Variants in PLPPR1 observed in about 807,000 individuals in gnomAD.
The protein encoded by PLPPR1 is phospholipid phosphatase-related protein type 1.
PLPPR1 carries 10 observed loss-of-function variants against 33.1 expected under a neutral mutation model. The ratio of observed to expected loss-of-function variants is 0.30; its 90% confidence interval spans 0.19 to 0.51. The LOEUF (loss-of-function observed/expected upper bound fraction) is 0.51. Among genes scored for constraint, PLPPR1 ranks in the 20% least tolerant of loss-of-function variants. The pLI is 0.97. For missense variants in PLPPR1, 304 were observed against 408.1 expected, an observed-to-expected ratio of 0.74 and a Z score of 2.20; for synonymous variants, 151 against 151.0, an observed-to-expected ratio of 1.00 and a Z score of 0.00.
At chr9:101,191,657 G>A (rs79210265) in intron 2 of PLPPR1, among the ~76,000 whole-genome samples, 3,511 of 152,174 alleles carry the variant, frequency 0.023, 145 homozygotes, top group African/African-American at 0.079. Flanking sequence ...CTAATACCAG[G>A]CATATTTTCC....
At chr9:101,307,040 A>C (rs774399339) in intron 4 of PLPPR1, among the ~76,000 whole-genome samples, 4 of 152,222 alleles carry the variant, frequency 2.6e-5, no homozygotes, top group Non-Finnish European at 5.9e-5. Context: ...TGGGCTTCCC[A>C]GGCTGATGCG....
At chr9:101,074,338 T>G (rs1422223197) in intron 1 of PLPPR1, among the ~76,000 whole-genome samples, 2 of 152,116 alleles carry the variant, frequency 1.3e-5, no homozygotes, top group Non-Finnish European at 2.9e-5. Flanking sequence ...TTGGCTCTCA[T>G]AAATCATTTA....
intron 1 of PLPPR1, among the ~76,000 whole-genome samples, chr9:101,069,934 T>A (rs1157581273): frequency 1.3e-5 from 2 of 152,114 alleles, no homozygotes; most frequent in East Asian, 3.9e-4. Flanking sequence ...TTTCTCATGA[T>A]TAACAGGGCT....
intron 2 of PLPPR1, among the ~76,000 whole-genome samples, chr9:101,209,436 C>T (rs549612211): frequency 6.6e-6 from 1 of 152,330 alleles, no homozygotes; most frequent in South Asian, 2.1e-4. Flanking sequence ...AACACCTTTG[C>T]TCCTTATCTA....
Position 101,096,797 on chromosome 9 carries a change from G to C in PLPPR1, c.-46+67695G>C, listed in dbSNP as rs1830824546. On this transcript the variant is annotated intron_variant, in intron 1 of 7. Transcript: ENST00000374874. The stretch of plus-strand genomic sequence containing the variant: ...TTAGAAAAGCTGGCCAGGCACAGTG[G>C]TTCACACCTGTAATCCCAGCACCTT... 2.0e-5 allele frequency among the ~76,000 whole-genome samples: 3 copies of C among 152,136 alleles called. No individual in the cohort carries two copies. In the South Asian group the frequency reaches 6.2e-4, roughly 32 times the overall value.
intron 3 of PLPPR1, among the ~76,000 whole-genome samples, chr9:101,273,209 A>G (rs568624761): frequency 6.6e-6 from 1 of 152,312 alleles, no homozygotes; most frequent in African/African-American, 2.4e-5. Flanking sequence ...GAAAAAGATA[A>G]TATGTATCAA....
Position 101,259,127 on chromosome 9 carries a change from C to G in PLPPR1, c.64-10753C>G, listed in dbSNP as rs190255430. Among the ~76,000 whole-genome samples, 72 of 152,168 alleles carry G rather than the reference C, an allele frequency of 4.7e-4. No individual in the cohort carries two copies. The South Asian group carries it at 0.015, about 31-fold the overall frequency. On this transcript the variant is annotated intron_variant, in intron 2 of 7. Transcript: ENST00000374874. ...TTTCTCCATATCATCCACCTATAAA[C>G]AACCACTGAGACACTGGAGGAAGGA...
intron 2 of PLPPR1, among the ~76,000 whole-genome samples, chr9:101,191,461 ACT>A (rs1412891353): frequency 4.0e-5 from 6 of 151,230 alleles, no homozygotes; most frequent in East Asian, 1.9e-4. Flanking sequence ...CACTTCTGTT[ACT>A]CTTTCTCTCT....
chr9:101,255,217 A>C lies in PLPPR1; in HGVS notation c.64-14663A>C, dbSNP rs186043290. ...TATAGGGGATGATGAAAGAGAAGGGAGTTTGATTTGTTGTGCAGTTTGTCA... is the reference window on the plus strand; with the variant it reads ...TATAGGGGATGATGAAAGAGAAGGGCGTTTGATTTGTTGTGCAGTTTGTCA... On this transcript the variant is annotated intron_variant, in intron 2 of 7. Coordinates refer to ENST00000374874, the MANE Select transcript of PLPPR1 (RefSeq NM_207299.2). Among the ~76,000 whole-genome samples the C allele has an allele frequency of 3.1e-3, 473 of 152,196 alleles. 10 individuals carry two copies. The highest frequency in any genetic ancestry group is 0.026 in the Admixed American group (398 of 15,246).
At chr9:101,262,124 AC>A (rs769052372) in intron 2 of PLPPR1, among the ~76,000 whole-genome samples, 5 of 152,222 alleles carry the variant, frequency 3.3e-5, no homozygotes, top group Non-Finnish European at 7.3e-5. Flanking sequence ...TGAAAGATAC[AC>A]AGTCTATCTA....
intron 1 of PLPPR1, among the ~76,000 whole-genome samples, chr9:101,075,263 C>G (rs968096726): frequency 6.6e-6 from 1 of 152,132 alleles, no homozygotes; most frequent in African/African-American, 2.4e-5. Context: ...AGCCTCACAT[C>G]AAAATAAATT....
chr9:101,199,914 C>G (rs1181190537), intron 2 of PLPPR1, among the ~76,000 whole-genome samples: 1 of 152,092 alleles, frequency 6.6e-6, no homozygotes, highest in Non-Finnish European at 1.5e-5. Context: ...TATAAGTTTT[C>G]AGGTCATTCC....
intron 2 of PLPPR1, among the ~76,000 whole-genome samples, chr9:101,246,342 G>A (rs1009559579): frequency 6.6e-6 from 1 of 151,808 alleles, no homozygotes; most frequent in Non-Finnish European, 1.5e-5. Flanking sequence ...AGAGGACAGG[G>A]ACAGACTGTG....
intron 4 of PLPPR1, among the ~76,000 whole-genome samples, chr9:101,291,758 C>A (rs1196444007): frequency 6.6e-6 from 1 of 152,150 alleles, no homozygotes; most frequent in Non-Finnish European, 1.5e-5. Context: ...AACTAACAAA[C>A]AGAAAGGACA....
chr9:101,192,592 G>A (rs893286670), intron 2 of PLPPR1, among the ~76,000 whole-genome samples: 17 of 151,988 alleles, frequency 1.1e-4, no homozygotes, highest in South Asian at 4.2e-4. Flanking sequence ...GGTTATAAAT[G>A]TTAACATGAA....
chr9:101,246,107 T>TAGATATAG (rs1564015131), intron 2 of PLPPR1, among the ~76,000 whole-genome samples: 1 of 98,350 alleles, frequency 1.0e-5, no homozygotes, highest in African/African-American at 3.2e-5. Flanking sequence ...TATATATATA[T>TAGATATAG]ATAGATAGAT....
In PLPPR1 at chr9:101,212,371, C is replaced by A. The variant is rs112990787; in HGVS notation, c.63+26814C>A. Among the ~76,000 whole-genome samples, 160 of 152,274 alleles carry A rather than the reference C, an allele frequency of 1.1e-3. 1 individual carries two copies. The highest frequency in any genetic ancestry group is 3.6e-3 in the African/African-American group (151 of 41,568). On this transcript the variant is annotated intron_variant, in intron 2 of 7. Coordinates refer to ENST00000374874, the MANE Select transcript of PLPPR1 (RefSeq NM_207299.2). ...GTGCTGGGATTACAGTCATGGGCCA[C>A]CACTCCCGGCCACATCTTTTGCTCT...
chr9:101,294,072 A>G (rs897661622), intron 4 of PLPPR1, among the ~76,000 whole-genome samples: 1 of 152,188 alleles, frequency 6.6e-6, no homozygotes, highest in Admixed American at 6.5e-5. Context: ...CTAATAAAGA[A>G]GAAAAGAGAA....
At chr9:101,282,692 G>A (rs75470531) in intron 3 of PLPPR1, among the ~76,000 whole-genome samples, 12,040 of 152,160 alleles carry the variant, frequency 0.079, 917 homozygotes, top group African/African-American at 0.2. Context: ...AGAATAAACT[G>A]GTTCAGTAAA....
Sources: gnomAD v4.1 joint callset for allele counts (sites outside exome capture counted in the v4.1 genomes callset) on GRCh38, gnomAD v4.1.1 for gene constraint, MANE v1.5 for transcripts, NCBI Gene and HGNC (gene_info 2026-07-23, HGNC 2026-07-21) for gene names.